The following PDE9A variants were observed in gnomAD, a reference collection of about 807,000 sequenced individuals.
PDE9A encodes the protein high affinity cGMP-specific 3',5'-cyclic phosphodiesterase 9A.
PDE9A carries 60 observed loss-of-function variants against 87.4 expected under a neutral mutation model. The observed-to-expected ratio is 0.69, with a 90% CI of 0.56 to 0.85. PDE9A has a LOEUF of 0.85. Ranked by LOEUF, PDE9A falls within the 40% of genes least tolerant of loss-of-function variation. PDE9A has a pLI of 0.00. For missense variants in PDE9A, 665 were observed against 779.0 expected (o/e 0.85, Z 1.74); for synonymous variants, 272 against 279.4 (o/e 0.97, Z 0.27).
intron 1 of PDE9A, among the ~76,000 whole-genome samples, chr21:42,670,075 A>T (rs1001582429): frequency 6.6e-6 from 1 of 152,004 alleles, no homozygotes; most frequent in African/African-American, 2.4e-5. Flanking sequence ...ACACACTCAC[A>T]TACTTACACA....
At position 42,739,115 on chromosome 21, in the gene PDE9A, C is replaced by T. The variant is rs1427871260; in HGVS notation, c.569-4661C>T. 6.6e-6 allele frequency among the ~76,000 whole-genome samples: 1 copy of T among 152,226 alleles called. No homozygotes were observed. Among genetic ancestry groups the T allele is most frequent in the Non-Finnish European group, 1.5e-5 (1 of 68,036 alleles). ...CAGCCGTGGGCTGGGCTCCCAGCCC[C>T]CTAGCAGGGTCCAGTGGGCCAGGGA... On this transcript the variant is annotated intron_variant, in intron 7 of 19. Transcript: ENST00000291539. This position sits in a 1 kb window ranked among gnomAD's most constrained non-coding sequence, Gnocchi z 4.1.
chr21:42,686,366 C>G lies in PDE9A; in HGVS notation c.140+104C>G, dbSNP rs1334901629. 14 of 866,468 alleles carry G rather than the reference C, an allele frequency of 1.6e-5. 1 individual carries two copies. In the South Asian group the frequency reaches 2.0e-4, roughly 12 times the overall value. The allele number at this position is 866,468 out of a possible 1,614,324, so 53.7% of individuals were successfully genotyped here. ...AGAGGCGCTGAAGGGCCCGAGGCACCGGCCTTCTACAAGGGGCTCTTCGAA... is the reference window on the plus strand; with the variant it reads ...AGAGGCGCTGAAGGGCCCGAGGCACGGGCCTTCTACAAGGGGCTCTTCGAA... On this transcript the variant is annotated intron_variant, in intron 2 of 19. Transcript: ENST00000291539.
intron 7 of PDE9A, among the ~76,000 whole-genome samples, chr21:42,738,241 C>A (rs922014789): frequency 6.6e-6 from 1 of 152,242 alleles, no homozygotes; most frequent in East Asian, 1.9e-4. Flanking sequence ...ACAGGCCATA[C>A]AAACAGCCCA....
chr21:42,750,471 T>TC (rs368511514), intron 8 of PDE9A, among the ~76,000 whole-genome samples: 8 of 151,974 alleles, frequency 5.3e-5, no homozygotes, highest in African/African-American at 1.9e-4. Context: ...TTGGTGTTTT[T>TC]TTTTTTACTT....
chr21:42,673,587 T>C (rs2058679116), intron 1 of PDE9A, among the ~76,000 whole-genome samples: 1 of 152,248 alleles, frequency 6.6e-6, no homozygotes. Context: ...ATAGTTTCCA[T>C]TATTTCATAA....
rs536446792 is a variant in PDE9A at position 42,661,021 on chromosome 21, A to C, written c.69+7138A>C. ...CACAGCATTTTATTCCGTTTGCTTT[A>C]GATTCTCTGCCAATTTTTTTTTTTT... On this transcript the variant is annotated intron_variant, in intron 1 of 19. Transcript: ENST00000291539. Among the ~76,000 whole-genome samples, 10 of 150,064 alleles carry C rather than the reference A, an allele frequency of 6.7e-5. 1 individual carries two copies. Among genetic ancestry groups the C allele is most frequent in the African/African-American group, 2.2e-4 (9 of 40,240 alleles).
intron 1 of PDE9A, among the ~76,000 whole-genome samples, chr21:42,685,957 GC>G (rs2059438807): frequency 6.6e-6 from 1 of 152,178 alleles, no homozygotes; most frequent in African/African-American, 2.4e-5. Context: ...GGGCAAGGGG[GC>G]ATCGCTGTAT....
In PDE9A at chr21:42,722,614, T is replaced by C. The variant is rs1303981974; in HGVS notation, c.263-9156T>C. ...CAATGCATGGGTCTAGGGGCCAGCA[T>C]GTTCTATTGCTAGGGCCATGTGTGC... On this transcript the variant is annotated intron_variant, in intron 4 of 19. Coordinates refer to ENST00000291539, the MANE Select transcript of PDE9A (RefSeq NM_002606.3). This position sits in a 1 kb window ranked among gnomAD's most constrained non-coding sequence, Gnocchi z 4.1. Among the ~76,000 whole-genome samples the C allele has an allele frequency of 2.0e-5, 3 of 152,198 alleles. No homozygotes were observed. Among genetic ancestry groups the C allele is most frequent in the South Asian group, 4.1e-4 (2 of 4,834 alleles).
chr21:42,713,583 ATTGGGAAGT>A lies in PDE9A; in HGVS notation c.262+14575_262+14583del, dbSNP rs2049542988. ...GCCCTATAGTGGCCTCATAAAACAC[ATTGGGAAGT>A]TTACTTTCTTCTGTATTTTCTGAAA... On this transcript the variant is annotated intron_variant, in intron 4 of 19. Coordinates refer to ENST00000291539, the MANE Select transcript of PDE9A (RefSeq NM_002606.3). Among the ~76,000 whole-genome samples the A allele has an allele frequency of 4.6e-5, 7 of 152,336 alleles. No individual in the cohort carries two copies. The South Asian group carries it at 1.4e-3, about 32-fold the overall frequency.
At chr21:42,762,304 C>G (rs2055877249) in intron 14 of PDE9A, 65 bp downstream of exon 14, 1 of 1,528,130 alleles carries the variant, frequency 6.5e-7, no homozygotes, top group South Asian at 1.2e-5. Flanking sequence ...AGCCCCCACT[C>G]TCCATTGGCT....
Position 42,679,313 on chromosome 21 carries a change from G to T in PDE9A, c.70-6879G>T, listed in dbSNP as rs185914207. ...TGATTTCCACTCGGAACCCTGAGCT[G>T]CCTCATCCCTCGCTCCGTCTCCCCT... On this transcript the variant is annotated intron_variant, in intron 1 of 19. Transcript: ENST00000291539. Among the ~76,000 whole-genome samples the T allele has an allele frequency of 2.7e-3, 406 of 152,314 alleles. 2 individuals carry two copies. Among genetic ancestry groups the T allele is most frequent in the Middle Eastern group, 0.01 (3 of 294 alleles).
chr21:42,654,200 C>G (rs1452468621), intron 1 of PDE9A, among the ~76,000 whole-genome samples: 3 of 152,122 alleles, frequency 2.0e-5, no homozygotes, highest in African/African-American at 7.2e-5. Context: ...TCCGGTGGAT[C>G]GGCCCGCCGG....
intron 7 of PDE9A, chr21:42,733,749 T>C (rs2052085039): frequency 1.7e-5 from 6 of 344,450 alleles, no homozygotes; most frequent in Non-Finnish European, 2.2e-5. Flanking sequence ...TCTTTTTGTG[T>C]GTAAATGAAG....
intron 4 of PDE9A, among the ~76,000 whole-genome samples, chr21:42,720,572 G>T (rs2050402871): frequency 6.6e-6 from 1 of 152,188 alleles, no homozygotes. Flanking sequence ...TATCTCTGGG[G>T]TTTTCTGAAG....
In PDE9A at chr21:42,660,350, C is replaced by T. The variant is rs139000815; in HGVS notation, c.69+6467C>T. On this transcript the variant is annotated intron_variant, in intron 1 of 19. Coordinates refer to ENST00000291539, the MANE Select transcript of PDE9A (RefSeq NM_002606.3). This position sits in a 1 kb window ranked among gnomAD's most constrained non-coding sequence, Gnocchi z 4.7. The stretch of plus-strand genomic sequence containing the variant: ...CCAGCTTCCAGGAGCAGGTGCGGGG[C>T]CTGCAGGGACGGCTCGCAGAGAAGG... 6.6e-6 allele frequency among the ~76,000 whole-genome samples: 1 copy of T among 152,184 alleles called. No homozygotes were observed. The highest frequency in any genetic ancestry group is 1.9e-4 in the East Asian group (1 of 5,200).
At chr21:42,670,283 A>C (rs1424136524) in intron 1 of PDE9A, among the ~76,000 whole-genome samples, 49 of 150,558 alleles carry the variant, frequency 3.3e-4, no homozygotes, top group Admixed American at 3.2e-3. Flanking sequence ...ACACATTCAC[A>C]CATACACATT....
intron 1 of PDE9A, among the ~76,000 whole-genome samples, chr21:42,674,082 C>G (rs1302141503): frequency 6.6e-6 from 1 of 152,164 alleles, no homozygotes. Flanking sequence ...GACAGATTCC[C>G]CCTCCCCAAA....
chr21:42,685,721 G>A lies in PDE9A; in HGVS notation c.70-471G>A, dbSNP rs180887381. ...GATCTCAGGTGATCCACCCGCCTCT[G>A]CCTCCCAAAGTGCTGGGATTACAGG... is the stretch of plus-strand genomic sequence containing the variant. On this transcript the variant is annotated intron_variant, in intron 1 of 19. Transcript: ENST00000291539. Among the ~76,000 whole-genome samples the A allele has an allele frequency of 1.2e-4, 19 of 152,308 alleles. 1 individual carries two copies. The East Asian group carries it at 3.5e-3, about 28-fold the overall frequency.
At chr21:42,741,010 T>C (rs535296167) in intron 7 of PDE9A, 46 of 152,334 alleles carry the variant, frequency 3.0e-4, no homozygotes, top group African/African-American at 9.9e-4. Context: ...ACATAGTCAA[T>C]GGTCCATGGA....
Sources: gnomAD v4.1 joint callset for allele counts (sites outside exome capture counted in the v4.1 genomes callset) on GRCh38, gnomAD v4.1.1 for gene constraint, Gnocchi (gnomAD v3.1) non-coding constraint, MANE v1.5 for transcripts, NCBI Gene and HGNC (gene_info 2026-07-23, HGNC 2026-07-21) for gene names.